TLN2: variants seen among roughly 807,000 people sequenced by gnomAD.
TLN2 encodes talin-2.
A neutral mutation model predicts 294.7 loss-of-function variants in TLN2; 118 were observed. That is an observed-to-expected ratio of 0.40 (90% CI 0.34 to 0.47). The LOEUF is 0.47. TLN2 is among the 20% of genes least tolerant of loss of function. The pLI is 0.84. For synonymous variants in TLN2, 1,431 were observed against 1,304.5 expected (o/e 1.10, Z -2.09); for missense variants, 3,083 against 3,282.2 (o/e 0.94, Z 1.48).
At position 62,424,865 on chromosome 15, in the gene TLN2, C is replaced by T. The variant is rs180932039; in HGVS notation, c.-238+34180C>T. Among the ~76,000 whole-genome samples the T allele has an allele frequency of 3.5e-3, 522 of 147,670 alleles. 1 individual carries two copies. Among genetic ancestry groups the T allele is most frequent in the African/African-American group, 0.012 (498 of 39,842 alleles). Reference sequence around the variant, plus strand: ...GTGGGGTTTCACTGTGTTGGCCAGGCTGGTCTTGAACTCCTGGTCTCAAAT... The same window carrying T: ...GTGGGGTTTCACTGTGTTGGCCAGGTTGGTCTTGAACTCCTGGTCTCAAAT... On this transcript the variant is annotated intron_variant, in intron 1 of 58. Coordinates refer to ENST00000636159, the MANE Select transcript of TLN2 (RefSeq NM_015059.3).
intron 28 of TLN2, among the ~76,000 whole-genome samples, chr15:62,727,509 G>A (rs773577907): frequency 1.3e-5 from 2 of 152,228 alleles, no homozygotes; most frequent in Non-Finnish European, 2.9e-5. Flanking sequence ...AAGAGAATAA[G>A]AGATGACAAC....
intron 9 of TLN2, among the ~76,000 whole-genome samples, chr15:62,660,496 G>A (rs1225294278): frequency 6.6e-6 from 1 of 152,196 alleles, no homozygotes; most frequent in African/African-American, 2.4e-5. Flanking sequence ...TGAGTCTGAT[G>A]TGCTTTATCT....
At chr15:62,729,817 TC>T (rs1379391748) in intron 28 of TLN2, among the ~76,000 whole-genome samples, 2 of 152,124 alleles carry the variant, frequency 1.3e-5, no homozygotes, top group Non-Finnish European at 2.9e-5. Context: ...TATGGTAAGT[TC>T]CTTTTTTTCC....
intron 1 of TLN2, among the ~76,000 whole-genome samples, chr15:62,579,854 C>A (rs1324583712): frequency 1.3e-5 from 2 of 152,182 alleles, no homozygotes; most frequent in African/African-American, 4.8e-5. Flanking sequence ...AGTCCTCGAG[C>A]TAATGGTCAG....
intron 48 of TLN2, 59 bp from the exon 49 acceptor site, chr15:62,800,309 G>T: frequency 1.3e-6 from 2 of 1,583,914 alleles, no homozygotes; most frequent in Non-Finnish European, 1.7e-6. Flanking sequence ...GCATGCCTTG[G>T]TAAAGCCCAC....
intron 28 of TLN2, among the ~76,000 whole-genome samples, chr15:62,729,396 T>A (rs2060600395): frequency 6.6e-6 from 1 of 152,212 alleles, no homozygotes; most frequent in Admixed American, 6.5e-5. Flanking sequence ...AAATACTGTT[T>A]TCTTAAGCCA....
intron 52 of TLN2, among the ~76,000 whole-genome samples, chr15:62,813,836 C>CA (rs1380221385): frequency 6.8e-6 from 1 of 147,622 alleles, no homozygotes; most frequent in African/African-American, 2.5e-5. Flanking sequence ...TTTTTGGAGA[C>CA]AGAGTTTTGC....
chr15:62,766,495 G>A (rs2063015827), intron 41 of TLN2, 73 bp downstream of exon 41: 2 of 1,419,368 alleles, frequency 1.4e-6, no homozygotes, highest in Non-Finnish European at 2.0e-6. Flanking sequence ...TGACTTTACT[G>A]TTATCATTCC....
At chr15:62,772,790 G>A (rs2063432435) in intron 42 of TLN2, among the ~76,000 whole-genome samples, 1 of 152,032 alleles carries the variant, frequency 6.6e-6, no homozygotes, top group Non-Finnish European at 1.5e-5. Flanking sequence ...AGCCTCCCGG[G>A]TAGCTGGTAT....
At chr15:62,584,872 T>C (rs1266205904) in intron 1 of TLN2, among the ~76,000 whole-genome samples, 3 of 152,260 alleles carry the variant, frequency 2.0e-5, no homozygotes, top group African/African-American at 4.8e-5. Flanking sequence ...CCAAGAGTAA[T>C]GCTAGTTCAT....
chr15:62,400,810 C>T lies in TLN2; in HGVS notation c.-238+10125C>T, dbSNP rs78323886. 4.2e-3 allele frequency among the ~76,000 whole-genome samples: 586 copies of T among 139,582 alleles called. 4 individuals carry two copies. Among genetic ancestry groups the T allele is most frequent in the East Asian group, 0.036 (177 of 4,946 alleles). 91.6% of individuals were successfully genotyped at this position (139,582 alleles called of 152,430 possible). A position where few individuals can be genotyped will look rare whatever the true frequency, so the allele number is the denominator to read the frequency against. Reference sequence around the variant, plus strand: ...AGTGTCAGCAAAGGGGTTATGTTTCCGGTTTTTTTTTTTTTTTTTTTTTGA... The same window carrying T: ...AGTGTCAGCAAAGGGGTTATGTTTCTGGTTTTTTTTTTTTTTTTTTTTTGA... On this transcript the variant is annotated intron_variant, in intron 1 of 58. Transcript: ENST00000636159.
chr15:62,392,745 C>T (rs896233223), intron 1 of TLN2, among the ~76,000 whole-genome samples: 1 of 152,112 alleles, frequency 6.6e-6, no homozygotes, highest in African/African-American at 2.4e-5. Context: ...ACAGAAACCT[C>T]TGGGGTTGGG....
chr15:62,648,856 A>C (rs557216102), intron 4 of TLN2, among the ~76,000 whole-genome samples: 161 of 151,334 alleles, frequency 1.1e-3, no homozygotes, highest in Non-Finnish European at 1.3e-3. Flanking sequence ...GACGATTATT[A>C]TTTTTTGAGA....
chr15:62,719,931 G>C (rs1288754906), intron 25 of TLN2, 51 bp downstream of exon 25: 9 of 1,421,912 alleles, frequency 6.3e-6, no homozygotes, highest in Middle Eastern at 2.2e-4. Context: ...CTTCTGGGCA[G>C]GGGCTGCCCT....
In TLN2 at chr15:62,657,499, C is replaced by G. The variant is rs573450422; in HGVS notation, c.661-272C>G. Among the ~76,000 whole-genome samples, 3 of 152,276 alleles carry G rather than the reference C, an allele frequency of 2.0e-5. No homozygotes were observed. The East Asian group carries it at 5.8e-4, about 29-fold the overall frequency. The stretch of plus-strand genomic sequence containing the variant: ...TGCCTCTTTTTATAATCACTTCTGC[C>G]TTTCTGGACTGTCATCAGACTTTGC... On this transcript the variant is annotated intron_variant, in intron 8 of 58. Coordinates refer to ENST00000636159, the MANE Select transcript of TLN2 (RefSeq NM_015059.3).
At chr15:62,463,114 C>T (rs1162730862) in intron 1 of TLN2, among the ~76,000 whole-genome samples, 1 of 152,140 alleles carries the variant, frequency 6.6e-6, no homozygotes, top group Admixed American at 6.5e-5. Flanking sequence ...GGATGTTTTT[C>T]TAGTGTATAT....
At chr15:62,501,824 T>A (rs2039325062) in intron 1 of TLN2, among the ~76,000 whole-genome samples, 2 of 152,242 alleles carry the variant, frequency 1.3e-5, no homozygotes, top group Admixed American at 1.3e-4. Flanking sequence ...AGTATCTATT[T>A]TGAATAATCA....
At chr15:62,818,944 C>T (rs1452383974) in intron 52 of TLN2, among the ~76,000 whole-genome samples, 1 of 152,012 alleles carries the variant, frequency 6.6e-6, no homozygotes, top group Admixed American at 6.5e-5. Context: ...CAGCCTTGAC[C>T]TCCTGTGCTC....
chr15:62,838,748 G>C (rs1289034447), intron 57 of TLN2, 108 bp from the exon 58 acceptor site: 1 of 1,416,112 alleles, frequency 7.1e-7, no homozygotes, highest in Non-Finnish European at 9.6e-7. Context: ...TGTTATAATT[G>C]GATAATCAAT....
Sources: gnomAD v4.1 joint callset for allele counts (sites outside exome capture counted in the v4.1 genomes callset) on GRCh38, gnomAD v4.1.1 for gene constraint, MANE v1.5 for transcripts, NCBI Gene and HGNC (gene_info 2026-07-23, HGNC 2026-07-21) for gene names.